GARNL3: variants seen among roughly 807,000 people sequenced by gnomAD.
GARNL3 encodes GTPase activating Rap/RanGAP domain like 3.
In GARNL3, 63 loss-of-function variants were observed where a neutral mutation model predicts 125.0. The observed-to-expected ratio is 0.50, with a 90% CI of 0.41 to 0.62. GARNL3 has a LOEUF of 0.62. GARNL3 is among the 20% of genes least tolerant of loss of function. The pLI, the probability that GARNL3 is intolerant of heterozygous loss-of-function variation, is 0.00. For synonymous variants in GARNL3, 439 were observed against 457.5 expected (o/e 0.96, Z 0.52); for missense variants, 994 against 1,244.0 (o/e 0.80, Z 3.02).
chr9:127,312,656 T>G (rs2131470365), intron 3 of GARNL3, among the ~76,000 whole-genome samples: 1 of 152,312 alleles, frequency 6.6e-6, no homozygotes, highest in East Asian at 1.9e-4. Flanking sequence ...ATATGATGCT[T>G]GAATGATGAA....
intron 6 of GARNL3, 27 bp from the exon 7 acceptor site, chr9:127,325,042 T>C (rs1328710174): frequency 2.5e-6 from 4 of 1,608,256 alleles, no homozygotes; most frequent in Non-Finnish European, 3.4e-6. Flanking sequence ...TATGCCTGGA[T>C]GTAACTTTTA....
chr9:127,263,352 T>G (rs933648722), upstream of GARNL3, among the ~76,000 whole-genome samples: 3 of 152,150 alleles, frequency 2.0e-5, no homozygotes, highest in African/African-American at 7.2e-5. Context: ...TGTTGTTAAT[T>G]TCCTAGTGGG....
At chr9:127,291,102 G>A (rs2064401217) in intron 1 of GARNL3, 66 bp from the exon 2 acceptor site, 1 of 1,514,726 alleles carries the variant, frequency 6.6e-7, no homozygotes, top group Non-Finnish European at 9.2e-7. Context: ...TTACTTATAG[G>A]ATAATTACAT....
chr9:127,292,824 G>A (rs1313622646), intron 2 of GARNL3, among the ~76,000 whole-genome samples: 1 of 152,220 alleles, frequency 6.6e-6, no homozygotes, highest in African/African-American at 2.4e-5. Flanking sequence ...GTCATGATCA[G>A]GAGTGGCTTA....
intron 22 of GARNL3, among the ~76,000 whole-genome samples, chr9:127,368,097 C>T (rs1346540312): frequency 6.9e-6 from 1 of 145,478 alleles, no homozygotes; most frequent in Non-Finnish European, 1.5e-5. Context: ...CTCACTGCAA[C>T]CTCTGCCTCC....
chr9:127,307,034 T>C (rs1423870734), intron 2 of GARNL3, among the ~76,000 whole-genome samples: 1 of 152,100 alleles, frequency 6.6e-6, no homozygotes, highest in Non-Finnish European at 1.5e-5. Flanking sequence ...TCTGAAAATA[T>C]CTTTGATTTT....
chr9:127,225,004 G>A (rs1379753315), intron 1 of GARNL3, among the ~76,000 whole-genome samples: 2 of 147,800 alleles, frequency 1.4e-5, no homozygotes, highest in African/African-American at 5.0e-5. Flanking sequence ...GCGGGGCCGG[G>A]GCGGGGCCTG....
chr9:127,252,451 C>T (rs926849204), intron 2 of GARNL3, among the ~76,000 whole-genome samples: 5 of 152,088 alleles, frequency 3.3e-5, no homozygotes, highest in African/African-American at 7.2e-5. Flanking sequence ...GTGCTTCATA[C>T]GTCTTTTTTC....
At chr9:127,312,980 A>C (rs2065136034) in intron 3 of GARNL3, among the ~76,000 whole-genome samples, 1 of 152,212 alleles carries the variant, frequency 6.6e-6, no homozygotes, top group East Asian at 1.9e-4. Flanking sequence ...GGCAAGCCCC[A>C]GGCTTGGGGG....
upstream of GARNL3, chr9:127,264,361 A>G (rs1383054906): frequency 3.4e-6 from 1 of 295,864 alleles, no homozygotes; most frequent in East Asian, 1.4e-4. Flanking sequence ...AAAAAGCTGA[A>G]TATACTTGGA....
intron 3 of GARNL3, among the ~76,000 whole-genome samples, chr9:127,312,057 G>A (rs1434997215): frequency 6.6e-6 from 1 of 152,150 alleles, no homozygotes; most frequent in Admixed American, 6.5e-5. Context: ...ACCTAACAAG[G>A]CAATTGCCCT....
chr9:127,243,861 A>G (rs933508678), intron 2 of GARNL3, among the ~76,000 whole-genome samples: 6 of 152,202 alleles, frequency 3.9e-5, no homozygotes, highest in Admixed American at 3.9e-4. Flanking sequence ...ACTCGGATGA[A>G]TGAATAAGTA....
chr9:127,304,652 C>T (rs919907632), intron 2 of GARNL3, among the ~76,000 whole-genome samples: 46 of 148,696 alleles, frequency 3.1e-4, no homozygotes, highest in African/African-American at 1.1e-3. Flanking sequence ...TCTTGTGCCT[C>T]AGCCTCCCGA....
At chr9:127,295,587 A>G (rs10819273) in intron 2 of GARNL3, among the ~76,000 whole-genome samples, 12,836 of 152,208 alleles carry the variant, frequency 0.084, 1,590 homozygotes, top group African/African-American at 0.27. Flanking sequence ...TTCAGAAGCC[A>G]GTCACAAGCA....
intron 1 of GARNL3, among the ~76,000 whole-genome samples, chr9:127,233,841 C>T (rs989908695): frequency 7.2e-5 from 11 of 152,174 alleles, no homozygotes; most frequent in African/African-American, 2.2e-4. Context: ...ATCCATTATG[C>T]GTCGGGGTGC....
chr9:127,226,173 A>G (rs897535778), intron 1 of GARNL3, among the ~76,000 whole-genome samples: 64 of 152,306 alleles, frequency 4.2e-4, no homozygotes, highest in African/African-American at 1.3e-3. Flanking sequence ...ACACCCCTTG[A>G]GGAGCTCCCC....
intron 2 of GARNL3, among the ~76,000 whole-genome samples, chr9:127,302,909 T>G (rs1172961843): frequency 6.6e-6 from 1 of 152,222 alleles, no homozygotes; most frequent in Non-Finnish European, 1.5e-5. Flanking sequence ...CCCAGCACTT[T>G]GGGAGGCCGA....
chr9:127,309,202 A>G (rs888309514), intron 2 of GARNL3, among the ~76,000 whole-genome samples: 2 of 152,208 alleles, frequency 1.3e-5, no homozygotes, highest in African/African-American at 2.4e-5. Context: ...AAAAAAAGAA[A>G]AAAGAAGAAA....
intron 1 of GARNL3, among the ~76,000 whole-genome samples, chr9:127,241,580 G>C (rs1045862446): frequency 3.3e-5 from 5 of 151,880 alleles, no homozygotes; most frequent in African/African-American, 1.2e-4. Context: ...TGCAGCATGT[G>C]GCCTGCTGGG....
Sources: allele counts gnomAD v4.1 joint callset (sites outside exome capture counted in the v4.1 genomes callset), GRCh38; gene constraint gnomAD v4.1.1; transcripts MANE v1.5; gene names NCBI Gene and HGNC (gene_info 2026-07-23, HGNC 2026-07-21).